The following MTMR8 variants were observed in gnomAD, a reference collection of about 807,000 sequenced individuals.
The protein encoded by MTMR8 is phosphatidylinositol-3,5-bisphosphate 3-phosphatase MTMR8.
MTMR8 carries 65 observed loss-of-function variants against 39.3 expected under a neutral mutation model. The observed-to-expected ratio is 1.65, with a 90% CI of 1.35 to 2.03. The LOEUF is 2.03. Ranked by LOEUF, MTMR8 falls within the 30% of genes most tolerant of loss-of-function variation. MTMR8 has a pLI of 0.00. For missense variants in MTMR8, 777 were observed against 538.9 expected (o/e 1.44, Z -4.37); for synonymous variants, 245 against 185.2 (o/e 1.32, Z -2.62).
intron 1 of MTMR8, among the ~76,000 whole-genome samples, chrX:64,381,814 C>A (rs143919799): frequency 9.0e-6 from 1 of 111,085 alleles, no homozygotes; most frequent in Non-Finnish European, 1.9e-5. Flanking sequence ...TTTCAGCTTT[C>A]TACATATGGC....
intron 12 of MTMR8, among the ~76,000 whole-genome samples, chrX:64,278,732 A>G (rs1931939575): frequency 9.1e-6 from 1 of 110,291 alleles, no homozygotes; most frequent in Admixed American, 9.7e-5. Flanking sequence ...TCGGCCTTCC[A>G]AAGTACTGGG....
chrX:64,352,170 T>A (rs965489414), intron 4 of MTMR8, among the ~76,000 whole-genome samples: 1 of 111,253 alleles, frequency 9.0e-6, no homozygotes, highest in African/African-American at 3.3e-5. Flanking sequence ...TCCAATAGAA[T>A]CCCTGAGCAC....
chrX:64,375,339 A>G (rs1226491683), intron 1 of MTMR8, among the ~76,000 whole-genome samples: 1 of 109,330 alleles, frequency 9.1e-6, no homozygotes, highest in African/African-American at 3.3e-5. Flanking sequence ...TGGGTGACAG[A>G]GAGAGACTGT....
Position 64,395,369 on chromosome X carries a change from C to T in MTMR8, c.-6G>A. The stretch of plus-strand genomic sequence containing the variant: ...GGTACCGTAATATGATCCATGACTG[C>T]AGTTCCCGCCACCGGAAGATCTCAG... On this transcript the variant is annotated 5_prime_UTR_variant, in exon 1 of 14. Transcript: ENST00000374852. The T allele has an allele frequency of 3.3e-6, 4 of 1,209,182 alleles. No individual in the cohort carries two copies. The highest frequency in any genetic ancestry group is 4.5e-6 in the Non-Finnish European group (4 of 894,321).
At chrX:64,312,372 G>A (rs1444050093) in intron 12 of MTMR8, among the ~76,000 whole-genome samples, 1 of 111,926 alleles carries the variant, frequency 8.9e-6, no homozygotes. Context: ...AGACTTTGCT[G>A]AAGTTGCTTA....
chrX:64,382,938 T>C (rs1924468289), intron 1 of MTMR8, among the ~76,000 whole-genome samples: 1 of 111,271 alleles, frequency 9.0e-6, no homozygotes, highest in Non-Finnish European at 1.9e-5. Flanking sequence ...GATTCTAGTA[T>C]GCAGCCAAGG....
At chrX:64,376,584 C>T (rs776628438) in intron 1 of MTMR8, among the ~76,000 whole-genome samples, 1 of 112,105 alleles carries the variant, frequency 8.9e-6, no homozygotes, top group Non-Finnish European at 1.9e-5. Flanking sequence ...TGTGCCCTGG[C>T]TGCCTCTAAC....
rs1030812819 is a variant in MTMR8 at position 64,395,421 on chromosome X, G to A, written c.-58C>T. On this transcript the variant is annotated 5_prime_UTR_variant, in exon 1 of 14. Transcript: ENST00000374852. ...GCTACTCCAGATGCCGCCGCCACCG[G>A]TCTAGCCGCCTCCTGCCTCAACCCG... 9.5e-6 allele frequency: 11 copies of A among 1,161,604 alleles called. No homozygotes were observed. The African/African-American group carries it at 1.4e-4, about 15-fold the overall frequency.
chrX:64,377,359 T>C (rs1186634992), intron 1 of MTMR8, among the ~76,000 whole-genome samples: 2 of 111,966 alleles, frequency 1.8e-5, no homozygotes, highest in Non-Finnish European at 3.8e-5. Context: ...TCTACACCAG[T>C]CTGTGAAAGC....
intron 12 of MTMR8, chrX:64,305,598 G>A (rs1922082972): frequency 1.9e-6 from 1 of 516,525 alleles, no homozygotes; most frequent in African/African-American, 2.3e-5. Flanking sequence ...AGGTGCAGCA[G>A]TCTGAACCAC....
At chrX:64,360,223 G>A (rs1056448222) in intron 1 of MTMR8, 77 of 146,557 alleles carry the variant, frequency 5.3e-4, no homozygotes, top group African/African-American at 2.2e-3. Context: ...TAGAATTTAC[G>A]TGACAAAAAT....
chrX:64,369,729 A>G (rs1312789443), intron 1 of MTMR8, among the ~76,000 whole-genome samples: 4 of 111,199 alleles, frequency 3.6e-5, no homozygotes, highest in Non-Finnish European at 5.7e-5. Flanking sequence ...AAACCTGCAC[A>G]TTGTCCACAT....
intron 12 of MTMR8, among the ~76,000 whole-genome samples, chrX:64,272,889 G>A (rs745806753): frequency 1.7e-4 from 19 of 111,633 alleles, no homozygotes; most frequent in African/African-American, 5.8e-4. Context: ...TATATTCAAA[G>A]CACTGAAGGA....
chrX:64,381,044 G>A lies in MTMR8; in HGVS notation c.24+14296C>T, dbSNP rs746534369. Reference sequence around the variant, plus strand: ...AGTCTTTGCTATTGTGAATAGTGCCGCAATAAACATATGTGCACATGTGTC... The same window carrying A: ...AGTCTTTGCTATTGTGAATAGTGCCACAATAAACATATGTGCACATGTGTC... On this transcript the variant is annotated intron_variant, in intron 1 of 13. Transcript: ENST00000374852. 2.7e-4 allele frequency among the ~76,000 whole-genome samples: 30 copies of A among 111,908 alleles called. No individual in the cohort carries two copies. In the South Asian group the frequency reaches 6.3e-3, roughly 23 times the overall value.
At chrX:64,328,305 A>G (rs1041543352) in intron 12 of MTMR8, among the ~76,000 whole-genome samples, 5 of 112,175 alleles carry the variant, frequency 4.5e-5, no homozygotes, top group Admixed American at 2.8e-4. Flanking sequence ...ACAAAATCCT[A>G]AAGAATCCAC....
intron 1 of MTMR8, among the ~76,000 whole-genome samples, chrX:64,389,099 A>G (rs766949403): frequency 8.9e-6 from 1 of 112,045 alleles, no homozygotes; most frequent in African/African-American, 3.2e-5. Flanking sequence ...AATGAAGATA[A>G]TAGTATTGTT....
chrX:64,285,220 CA>C (rs1465266958), intron 12 of MTMR8, among the ~76,000 whole-genome samples: 1 of 111,294 alleles, frequency 9.0e-6, no homozygotes, highest in African/African-American at 3.3e-5. Flanking sequence ...TCAAAAGAGA[CA>C]AAGAAGGCCA....
intron 12 of MTMR8, among the ~76,000 whole-genome samples, chrX:64,327,901 C>T (rs1350673080): frequency 2.7e-5 from 3 of 112,109 alleles, no homozygotes; most frequent in Non-Finnish European, 5.6e-5. Flanking sequence ...GGTTGGAGAA[C>T]ATTATGTTAA....
chrX:64,302,451 C>A (rs1184403978), intron 12 of MTMR8, among the ~76,000 whole-genome samples: 2 of 112,056 alleles, frequency 1.8e-5, no homozygotes, highest in Admixed American at 9.4e-5. Context: ...ACCCACTGGC[C>A]TGCGCCCACT....
Sources: allele counts gnomAD v4.1 joint callset (sites outside exome capture counted in the v4.1 genomes callset), GRCh38; gene constraint gnomAD v4.1.1; transcripts MANE v1.5; gene names NCBI Gene and HGNC (gene_info 2026-07-23, HGNC 2026-07-21).